Variants in CNTN3 observed in about 807,000 individuals in gnomAD.
CNTN3 encodes contactin 3, also known as contactin-3.
In CNTN3, 60 loss-of-function variants were observed where a neutral mutation model predicts 119.1. The observed-to-expected ratio is 0.50, with a 90% CI of 0.41 to 0.62. The LOEUF (loss-of-function observed/expected upper bound fraction) is 0.62, where lower values mean the gene tolerates loss of function less well. Among genes scored for constraint, CNTN3 ranks in the 20% least tolerant of loss-of-function variants. CNTN3 has a pLI of 0.00. For missense variants in CNTN3, 1,101 were observed against 1,242.4 expected, an observed-to-expected ratio of 0.89 and a Z score of 1.71; for synonymous variants, 450 against 438.7, an observed-to-expected ratio of 1.03 and a Z score of -0.32.
chr3:74,404,247 G>A (rs965659385), intron 5 of CNTN3, among the ~76,000 whole-genome samples: 1 of 152,054 alleles, frequency 6.6e-6, no homozygotes, highest in Non-Finnish European at 1.5e-5. Context: ...AAGAGATCAG[G>A]AATTTTCTTT....
intron 2 of CNTN3, among the ~76,000 whole-genome samples, chr3:74,501,505 G>C (rs1037747836): frequency 2.6e-5 from 4 of 152,032 alleles, no homozygotes; most frequent in African/African-American, 9.7e-5. Context: ...TCCTTTCCCT[G>C]TAAATAACAT....
chr3:74,303,023 A>T (rs1372456912), intron 13 of CNTN3, among the ~76,000 whole-genome samples: 1 of 152,246 alleles, frequency 6.6e-6, no homozygotes, highest in Admixed American at 6.5e-5. Context: ...CTGTAGCCAA[A>T]TAAACAACAA....
At chr3:74,327,105 CCTTTTTTTTTTTTT>C (rs1268874458) in intron 13 of CNTN3, among the ~76,000 whole-genome samples, 1 of 90,700 alleles carries the variant, frequency 1.1e-5, no homozygotes, top group African/African-American at 4.1e-5. Context: ...AAGGGTTAAT[CCTTTTTTTTTTTTT>C]TTTTTTTTTT....
At chr3:74,521,395 AC>A (rs1301904816) in intron 1 of CNTN3, among the ~76,000 whole-genome samples, 2 of 151,340 alleles carry the variant, frequency 1.3e-5, no homozygotes, top group Non-Finnish European at 3.0e-5. Flanking sequence ...GTAGATGGAA[AC>A]GATCTTATAG....
chr3:74,496,557 C>T (rs930334408), intron 3 of CNTN3, among the ~76,000 whole-genome samples: 6 of 152,024 alleles, frequency 3.9e-5, no homozygotes, highest in African/African-American at 1.4e-4. Context: ...AAACAAGTGG[C>T]CCCTTTAAAT....
rs1704045451 is a variant in CNTN3, at chr3:74,554,844, C to T, written c.-80-33652G>A. ...CGATGGGGTTTTCTAAACATACAAT[C>T]GTGTCATTTGCAAACAGAGACAATT... On this transcript the variant is annotated intron_variant, in intron 1 of 22. Coordinates refer to ENST00000263665, the MANE Select transcript of CNTN3 (RefSeq NM_020872.3). Among the ~76,000 whole-genome samples the T allele has an allele frequency of 2.0e-5, 3 of 152,206 alleles. 1 individual carries two copies. Among genetic ancestry groups the T allele is most frequent in the Admixed American group, 2.0e-4 (3 of 15,280 alleles).
chr3:74,453,376 T>A (rs1702199811), intron 4 of CNTN3, among the ~76,000 whole-genome samples: 1 of 149,944 alleles, frequency 6.7e-6, no homozygotes, highest in African/African-American at 2.5e-5. Context: ...CCTTTATCAT[T>A]TTTTATTGCG....
chr3:74,591,967 T>C (rs1704710173), intron 1 of CNTN3, among the ~76,000 whole-genome samples: 2 of 151,750 alleles, frequency 1.3e-5, no homozygotes, highest in Non-Finnish European at 2.9e-5. Context: ...GAAAATTCAG[T>C]CCAGGCTGAG....
intron 5 of CNTN3, among the ~76,000 whole-genome samples, chr3:74,386,319 G>A (rs1395057495): frequency 6.6e-6 from 1 of 152,154 alleles, no homozygotes; most frequent in Non-Finnish European, 1.5e-5. Context: ...CTAGGGTAGT[G>A]ATTACAAACA....
intron 1 of CNTN3, among the ~76,000 whole-genome samples, chr3:74,609,360 CA>C (rs1250087109): frequency 6.6e-6 from 1 of 152,166 alleles, no homozygotes; most frequent in Admixed American, 6.6e-5. Flanking sequence ...TAATCTCCTG[CA>C]TTTAGGTGAG....
intron 3 of CNTN3, among the ~76,000 whole-genome samples, chr3:74,491,342 A>G (rs1013244347): frequency 2.0e-5 from 3 of 151,722 alleles, no homozygotes; most frequent in African/African-American, 7.3e-5. Flanking sequence ...TTACAAAAAA[A>G]AAATGTGAAA....
rs147591415 is a variant in CNTN3 at position 74,396,155 on chromosome 3, C to T, written c.455-24756G>A. 3.3e-3 allele frequency among the ~76,000 whole-genome samples: 499 copies of T among 152,132 alleles called. 5 individuals carry two copies. Among genetic ancestry groups the T allele is most frequent in the African/African-American group, 0.011 (477 of 41,500 alleles). Reference sequence around the variant, plus strand: ...AGGCCAATTAATTATCCTACAATGGCCTCTAAGTGTTCAAGTGAAAAGAAG... The same window carrying T: ...AGGCCAATTAATTATCCTACAATGGTCTCTAAGTGTTCAAGTGAAAAGAAG... On this transcript the variant is annotated intron_variant, in intron 5 of 22. Transcript: ENST00000263665.
chr3:74,446,919 T>C (rs1346119370), intron 4 of CNTN3, among the ~76,000 whole-genome samples: 1 of 152,190 alleles, frequency 6.6e-6, no homozygotes, highest in Non-Finnish European at 1.5e-5. Flanking sequence ...ATATGTTCTG[T>C]ACAAATGTTC....
intron 4 of CNTN3, among the ~76,000 whole-genome samples, chr3:74,431,357 A>C (rs1701780434): frequency 6.6e-6 from 1 of 152,160 alleles, no homozygotes. Flanking sequence ...GTGAACTATC[A>C]AGCAGAGTAT....
At chr3:74,286,631 G>A (rs75570496) in intron 19 of CNTN3, among the ~76,000 whole-genome samples, 2,537 of 152,076 alleles carry the variant, frequency 0.017, 55 homozygotes, top group Admixed American at 0.056. Flanking sequence ...AGAGACTGAG[G>A]AAAAACCAAT....
At chr3:74,487,152 T>C (rs1702874436) in intron 3 of CNTN3, among the ~76,000 whole-genome samples, 1 of 152,168 alleles carries the variant, frequency 6.6e-6, no homozygotes, top group Non-Finnish European at 1.5e-5. Flanking sequence ...CAGTGCTATT[T>C]ACAAAATGGT....
intron 1 of CNTN3, among the ~76,000 whole-genome samples, chr3:74,568,748 GGCTTCCACA>G (rs1329749118): frequency 6.6e-6 from 1 of 152,168 alleles, no homozygotes; most frequent in Non-Finnish European, 1.5e-5. Flanking sequence ...AGGTGATAAA[GGCTTCCACA>G]GCCTCTTCTT....
chr3:74,407,308 G>A (rs113218305), intron 5 of CNTN3, among the ~76,000 whole-genome samples: 1,236 of 117,674 alleles, frequency 0.011, 22 homozygotes, highest in African/African-American at 0.038. Flanking sequence ...CACTCTTGTT[G>A]CCCAGGCTGG....
chr3:74,342,565 T>C (rs908587314), intron 11 of CNTN3, among the ~76,000 whole-genome samples: 6 of 152,156 alleles, frequency 3.9e-5, no homozygotes, highest in Admixed American at 3.9e-4. Flanking sequence ...GGACCTTGGC[T>C]CTACTCTATA....
Sources: gnomAD v4.1 joint callset for allele counts (sites outside exome capture counted in the v4.1 genomes callset) on GRCh38, gnomAD v4.1.1 for gene constraint, MANE v1.5 for transcripts, NCBI Gene and HGNC (gene_info 2026-07-23, HGNC 2026-07-21) for gene names.